Variants in MARCHF1 observed in about 807,000 individuals in gnomAD.
MARCHF1 encodes E3 ubiquitin-protein ligase MARCHF1.
A neutral mutation model predicts 54.2 loss-of-function variants in MARCHF1; 40 were observed. The observed-to-expected ratio is 0.74, with a 90% confidence interval of 0.57 to 0.96. The LOEUF (loss-of-function observed/expected upper bound fraction) is 0.96, where lower values mean the gene tolerates loss of function less well. MARCHF1 is among the 40% of genes least tolerant of loss of function. The pLI is 0.00. For synonymous variants in MARCHF1, 236 were observed against 236.3 expected, an observed-to-expected ratio of 1.00 and a Z score of 0.01; for missense variants, 586 against 656.5, an observed-to-expected ratio of 0.89 and a Z score of 1.17.
chr4:164,162,148 C>A (rs1730255978), intron 1 of MARCHF1, among the ~76,000 whole-genome samples: 1 of 151,904 alleles, frequency 6.6e-6, no homozygotes. Context: ...TTTAAAGACA[C>A]AAAATAAGCA....
rs900644690 is a variant in MARCHF1, at chr4:163,676,671, G to C, written c.162+24142C>G. Among the ~76,000 whole-genome samples the C allele has an allele frequency of 2.0e-5, 3 of 152,274 alleles. No individual in the cohort carries two copies. The East Asian group carries it at 5.8e-4, about 29-fold the overall frequency. The stretch of plus-strand genomic sequence containing the variant: ...CTTGGGAGGCTGAGGCTGGAGGATG[G>C]CTTGAGCCCAGGAATTTGAGGTTAC... On this transcript the variant is annotated intron_variant, in intron 5 of 9. Coordinates refer to ENST00000514618, the MANE Select transcript of MARCHF1 (RefSeq NM_001394959.1).
intron 8 of MARCHF1, among the ~76,000 whole-genome samples, chr4:163,553,707 A>G (rs1739191612): frequency 6.6e-6 from 1 of 152,198 alleles, no homozygotes. Context: ...TTTCCCAAAG[A>G]CATACTGCTC....
chr4:163,663,488 G>A (rs557257555), intron 5 of MARCHF1, among the ~76,000 whole-genome samples: 1 of 151,956 alleles, frequency 6.6e-6, no homozygotes, highest in African/African-American at 2.4e-5. Flanking sequence ...TTTTTATCTA[G>A]CATTTCTATG....
intron 2 of MARCHF1, among the ~76,000 whole-genome samples, chr4:164,062,090 C>T (rs36004873): frequency 0.046 from 6,980 of 152,256 alleles, 218 homozygotes; most frequent in Middle Eastern, 0.14. Context: ...ATTCTAAATC[C>T]TTTATTGTTG....
intron 5 of MARCHF1, among the ~76,000 whole-genome samples, chr4:163,679,390 A>G (rs1194954331): frequency 6.6e-6 from 1 of 152,140 alleles, no homozygotes; most frequent in Non-Finnish European, 1.5e-5. Flanking sequence ...CTTTTTTAGC[A>G]GTAGATGGCA....
chr4:164,209,413 T>C (rs1367969837), intron 1 of MARCHF1, among the ~76,000 whole-genome samples: 5 of 152,198 alleles, frequency 3.3e-5, no homozygotes, highest in Middle Eastern at 3.2e-3. Flanking sequence ...CTTCTCATAG[T>C]ACACTGGCCA....
intron 1 of MARCHF1, among the ~76,000 whole-genome samples, chr4:164,360,130 C>T (rs1003826556): frequency 5.3e-5 from 8 of 151,976 alleles, no homozygotes; most frequent in Non-Finnish European, 8.8e-5. Context: ...AAGAGCATCA[C>T]AAAAATTTTG....
At chr4:164,143,744 C>T (rs550669435) in intron 1 of MARCHF1, among the ~76,000 whole-genome samples, 3,205 of 152,212 alleles carry the variant, frequency 0.021, 109 homozygotes, top group African/African-American at 0.073. Context: ...ACCATAGAGA[C>T]TAGGAAGAAA....
At chr4:164,249,018 G>C (rs1488080801) in intron 1 of MARCHF1, among the ~76,000 whole-genome samples, 1 of 152,038 alleles carries the variant, frequency 6.6e-6, no homozygotes, top group African/African-American at 2.4e-5. Context: ...TACAATTTCT[G>C]TTTACCAAAA....
At chr4:163,881,984 T>G (rs1172936957) in intron 3 of MARCHF1, among the ~76,000 whole-genome samples, 1 of 152,212 alleles carries the variant, frequency 6.6e-6, no homozygotes, top group Non-Finnish European at 1.5e-5. Context: ...CATAAAGTTC[T>G]TTGTCACTTC....
At chr4:164,050,776 T>C (rs1754347607) in intron 2 of MARCHF1, among the ~76,000 whole-genome samples, 1 of 152,000 alleles carries the variant, frequency 6.6e-6, no homozygotes, top group African/African-American at 2.4e-5. Flanking sequence ...CTACTAAAAA[T>C]ACAAAAATTA....
At chr4:163,779,794 C>T (rs1747411367) in intron 4 of MARCHF1, among the ~76,000 whole-genome samples, 1 of 152,064 alleles carries the variant, frequency 6.6e-6, no homozygotes, top group Non-Finnish European at 1.5e-5. Flanking sequence ...CCCTAATGTT[C>T]TCTGTCATCC....
chr4:164,332,046 T>C (rs1225654124), intron 1 of MARCHF1, among the ~76,000 whole-genome samples: 2 of 152,206 alleles, frequency 1.3e-5, no homozygotes, highest in Non-Finnish European at 2.9e-5. Context: ...TTCTACCTTA[T>C]ATTCTTCCCT....
At chr4:163,952,754 C>G (rs2110786538) in intron 3 of MARCHF1, among the ~76,000 whole-genome samples, 1 of 152,220 alleles carries the variant, frequency 6.6e-6, no homozygotes, top group South Asian at 2.1e-4. Flanking sequence ...TGTCTTTTAT[C>G]ACTGCACACC....
At chr4:164,258,752 A>G (rs1733366571) in intron 1 of MARCHF1, among the ~76,000 whole-genome samples, 1 of 152,110 alleles carries the variant, frequency 6.6e-6, no homozygotes, top group Non-Finnish European at 1.5e-5. Flanking sequence ...GAATATTTGA[A>G]TTTATTTTTT....
At chr4:164,273,522 T>C (rs927315623) in intron 1 of MARCHF1, among the ~76,000 whole-genome samples, 8 of 152,308 alleles carry the variant, frequency 5.3e-5, no homozygotes, top group South Asian at 2.1e-4. Flanking sequence ...CTAGTATTTT[T>C]ATAGGATTTT....
At chr4:163,918,940 C>T (rs1751367868) in intron 3 of MARCHF1, among the ~76,000 whole-genome samples, 1 of 151,990 alleles carries the variant, frequency 6.6e-6, no homozygotes, top group African/African-American at 2.4e-5. Flanking sequence ...CCTCCTGTCG[C>T]CTGAATATAT....
At chr4:163,893,989 C>T (rs1750721060) in intron 3 of MARCHF1, among the ~76,000 whole-genome samples, 1 of 152,128 alleles carries the variant, frequency 6.6e-6, no homozygotes, top group South Asian at 2.1e-4. Context: ...GGATGTTCCT[C>T]AATAAGTTGA....
At chr4:163,963,104 T>A (rs565270484) in intron 3 of MARCHF1, among the ~76,000 whole-genome samples, 4 of 152,032 alleles carry the variant, frequency 2.6e-5, no homozygotes, top group African/African-American at 9.6e-5. Flanking sequence ...ACAATCAACC[T>A]TCCAAAAATC....
Sources: gnomAD v4.1 joint callset for allele counts (sites outside exome capture counted in the v4.1 genomes callset) on GRCh38, gnomAD v4.1.1 for gene constraint, MANE v1.5 for transcripts, NCBI Gene and HGNC (gene_info 2026-07-23, HGNC 2026-07-21) for gene names.